The following CLASP2 variants were observed in gnomAD, a reference collection of about 807,000 sequenced individuals.
CLASP2 encodes cytoplasmic linker associated protein 2.
In CLASP2, 47 loss-of-function variants were observed where a neutral mutation model predicts 194.4. The ratio of observed to expected loss-of-function variants is 0.24; its 90% CI spans 0.19 to 0.31. The LOEUF is 0.31. CLASP2 is among the 10% of genes least tolerant of loss of function. CLASP2 has a pLI of 1.00. For synonymous variants in CLASP2, 619 were observed against 633.5 expected, an observed-to-expected ratio of 0.98 and a Z score of 0.34; for missense variants, 1,445 against 1,823.6, an observed-to-expected ratio of 0.79 and a Z score of 3.78.
At chr3:33,630,136 G>A (rs1370615079) in intron 9 of CLASP2, among the ~76,000 whole-genome samples, 1 of 152,196 alleles carries the variant, frequency 6.6e-6, no homozygotes, top group Non-Finnish European at 1.5e-5. Flanking sequence ...TGAAAGTGAG[G>A]AGGAGGTCTA....
At position 33,535,219 on chromosome 3, in the gene CLASP2, G is replaced by A. The variant is rs755088653; in HGVS notation, c.3787+14C>T. On this transcript the variant is annotated intron_variant, in intron 34 of 38. Coordinates refer to ENST00000682230, the MANE Select transcript of CLASP2 (RefSeq NM_001365631.1). ...TCTCCAAAACAGACAGTAGCAGTGT[G>A]ACCCAGAACATACCGTCAGGAAACT... 7 of 1,582,534 alleles carry A rather than the reference G, an allele frequency of 4.4e-6. No homozygotes were observed. The highest frequency in any genetic ancestry group is 6.1e-6 in the Non-Finnish European group (7 of 1,151,898).
At position 33,594,270 on chromosome 3, in the gene CLASP2, G is replaced by A. The variant is rs956335786; in HGVS notation, c.1966+681C>T. ...ATTTGGTTTTGTGTCACAAAAAATA[G>A]TCATCCACGTAAAACTTAGAGGAAA... On this transcript the variant is annotated intron_variant, in intron 20 of 38. Transcript: ENST00000682230. 5.3e-5 allele frequency among the ~76,000 whole-genome samples: 8 copies of A among 152,168 alleles called. No homozygotes were observed. The East Asian group carries it at 1.2e-3, about 22-fold the overall frequency.
At chr3:33,548,471 A>T (rs928386079) in intron 30 of CLASP2, among the ~76,000 whole-genome samples, 1 of 151,420 alleles carries the variant, frequency 6.6e-6, no homozygotes, top group Non-Finnish European at 1.5e-5. Context: ...CTAATTTTTC[A>T]TATTTTTAGT....
intron 1 of CLASP2, among the ~76,000 whole-genome samples, chr3:33,706,690 AGTGGCTCAT>A (rs2092701381): frequency 6.6e-6 from 1 of 152,132 alleles, no homozygotes; most frequent in Non-Finnish European, 1.5e-5. Context: ...GGTCAGGTGT[AGTGGCTCAT>A]GCCTGTAATC....
At chr3:33,632,473 T>C in intron 8 of CLASP2, 102 bp from the exon 9 acceptor site, 1 of 781,786 alleles carries the variant, frequency 1.3e-6, no homozygotes. Flanking sequence ...AACAAAAGTA[T>C]AATTTTAAGG....
At chr3:33,583,089 A>G (rs1312529600) in intron 22 of CLASP2, among the ~76,000 whole-genome samples, 1 of 152,230 alleles carries the variant, frequency 6.6e-6, no homozygotes, top group African/African-American at 2.4e-5. Context: ...TCCAGGAGGG[A>G]GTGATTCAAA....
At chr3:33,590,389 A>G (rs1015275095) in intron 21 of CLASP2, among the ~76,000 whole-genome samples, 3 of 152,150 alleles carry the variant, frequency 2.0e-5, no homozygotes, top group African/African-American at 7.2e-5. Flanking sequence ...TGATCTTGTT[A>G]AAGATTGGAT....
chr3:33,708,921 G>A (rs954463710), intron 1 of CLASP2, among the ~76,000 whole-genome samples: 1 of 152,092 alleles, frequency 6.6e-6, no homozygotes, highest in African/African-American at 2.4e-5. Flanking sequence ...TCGTGGTTCT[G>A]ACTTACATTA....
At chr3:33,550,943 C>G (rs1329628107) in intron 30 of CLASP2, among the ~76,000 whole-genome samples, 2 of 152,128 alleles carry the variant, frequency 1.3e-5, no homozygotes, top group African/African-American at 4.8e-5. Flanking sequence ...ATTGATAAAT[C>G]AAACAACAGT....
At chr3:33,666,248 T>C (rs1287897738) in intron 6 of CLASP2, among the ~76,000 whole-genome samples, 1 of 152,168 alleles carries the variant, frequency 6.6e-6, no homozygotes, top group Non-Finnish European at 1.5e-5. Flanking sequence ...AACTGTACAA[T>C]ATAACGATTT....
chr3:33,517,802 A>G (rs2051788995), intron 34 of CLASP2, among the ~76,000 whole-genome samples: 1 of 152,124 alleles, frequency 6.6e-6, no homozygotes, highest in South Asian at 2.1e-4. Flanking sequence ...AGGTGGGACT[A>G]CAGGTGTGTA....
rs1227987030 is a variant in CLASP2 at position 33,514,839 on chromosome 3, CCAT to C, written c.4110+1181_4110+1183del. ...ATGTATATACACACACACACACACA[CCAT>C]GTGTATGTGTATATACGCACACACA... On this transcript the variant is annotated intron_variant, in intron 36 of 38. Transcript: ENST00000682230. Among the ~76,000 whole-genome samples the C allele has an allele frequency of 1.1e-4, 16 of 144,992 alleles. No individual in the cohort carries two copies. In the South Asian group the frequency reaches 3.2e-3, roughly 29 times the overall value.
chr3:33,584,488 A>G (rs1213634810), intron 22 of CLASP2, among the ~76,000 whole-genome samples: 1 of 146,904 alleles, frequency 6.8e-6, no homozygotes, highest in African/African-American at 2.5e-5. Flanking sequence ...CTGGTCTCAA[A>G]CTCCTGACCT....
At chr3:33,538,127 C>T (rs1013367761) in intron 33 of CLASP2, among the ~76,000 whole-genome samples, 10 of 140,442 alleles carry the variant, frequency 7.1e-5, no homozygotes, top group Non-Finnish European at 1.1e-4. Flanking sequence ...GGCGACAGAG[C>T]GAGACTCCGT....
chr3:33,679,029 T>C (rs2089339513), intron 6 of CLASP2, among the ~76,000 whole-genome samples: 2 of 152,160 alleles, frequency 1.3e-5, no homozygotes, highest in Non-Finnish European at 2.9e-5. Context: ...CTACGGGCAG[T>C]GTAGTATTAG....
intron 27 of CLASP2, among the ~76,000 whole-genome samples, chr3:33,564,723 T>C (rs919857644): frequency 3.3e-5 from 5 of 152,088 alleles, no homozygotes; most frequent in African/African-American, 9.7e-5. Flanking sequence ...CCTGAGTAGG[T>C]AGGGCTACAG....
intron 1 of CLASP2, among the ~76,000 whole-genome samples, chr3:33,699,934 T>C (rs757141255): frequency 6.8e-6 from 1 of 147,766 alleles, no homozygotes; most frequent in Non-Finnish European, 1.5e-5. Context: ...AAATAAAAGA[T>C]ATTTTAAAAG....
At chr3:33,504,602 TAAG>T (rs1243182711) in intron 37 of CLASP2, 1 of 152,232 alleles carries the variant, frequency 6.6e-6, no homozygotes, top group Non-Finnish European at 1.5e-5. Flanking sequence ...TAGGGCCCTC[TAAG>T]ACGGTGGTCC....
chr3:33,565,988 C>A (rs1358748352), intron 27 of CLASP2, among the ~76,000 whole-genome samples: 1 of 152,118 alleles, frequency 6.6e-6, no homozygotes, highest in East Asian at 1.9e-4. Context: ...CCCTCTCTAA[C>A]CTCCTCATTG....
Sources: gnomAD v4.1 joint callset for allele counts (sites outside exome capture counted in the v4.1 genomes callset) on GRCh38, gnomAD v4.1.1 for gene constraint, MANE v1.5 for transcripts, NCBI Gene and HGNC (gene_info 2026-07-23, HGNC 2026-07-21) for gene names.